The following CEP152 variants were observed in gnomAD, a reference collection of about 807,000 sequenced individuals.
CEP152 encodes the protein centrosomal protein of 152 kDa.
Under a neutral mutation model 188.9 loss-of-function variants are expected in CEP152, and 132 were observed. The ratio of observed to expected loss-of-function variants is 0.70; its 90% CI spans 0.61 to 0.81. CEP152 has a LOEUF of 0.81. Among genes scored for constraint, CEP152 ranks in the 30% least tolerant of loss-of-function variants. CEP152 has a pLI of 0.00. For missense variants in CEP152, 1,914 were observed against 1,969.8 expected, an observed-to-expected ratio of 0.97 and a Z score of 0.54; for synonymous variants, 649 against 666.6, an observed-to-expected ratio of 0.97 and a Z score of 0.41.
At chr15:48,737,535 T>C (rs533489899), downstream of CEP152, among the ~76,000 whole-genome samples, 2 of 152,296 alleles carry the variant, frequency 1.3e-5, no homozygotes, top group South Asian at 2.1e-4. Flanking sequence ...ACAAAACTTA[T>C]CTCAATTTTT....
intron 21 of CEP152, among the ~76,000 whole-genome samples, chr15:48,749,480 A>T (rs1893717893): frequency 6.6e-6 from 1 of 152,192 alleles, no homozygotes; most frequent in Non-Finnish European, 1.5e-5. Context: ...GGTGAAAAAA[A>T]AACAGTAATT....
intron 22 of CEP152, among the ~76,000 whole-genome samples, chr15:48,746,164 T>C (rs895082448): frequency 6.6e-6 from 1 of 152,190 alleles, no homozygotes; most frequent in East Asian, 1.9e-4. Context: ...ACTAAAGTTA[T>C]ATTAAGAAAA....
chr15:48,738,539 CG>C lies in CEP152; in HGVS notation c.4842del (p.Gly1615ValfsTer11). 6.2e-7 allele frequency: 1 copy of C among 1,614,122 alleles called. No homozygotes were observed. Among genetic ancestry groups the C allele is most frequent in the South Asian group, 1.1e-5 (1 of 91,064 alleles). On this transcript the variant is annotated frameshift_variant, in exon 27 of 27. Coordinates refer to ENST00000380950, the MANE Select transcript of CEP152 (RefSeq NM_001194998.2). LOFTEE classifies it low-confidence loss of function (END_TRUNC). ...ESVKSKQFSPSGYLSDTEESN... is the reference protein window; with the variant it reads ...ESVKSKQFSPXGYLSDTEESN... ...CTTTCCTCTGTATCTGAAAGATAACCGGATGGTGAAAACTGTTTGGATTTAA... is the reference window on the plus strand; with the variant it reads ...CTTTCCTCTGTATCTGAAAGATAACCGATGGTGAAAACTGTTTGGATTTAA...
In CEP152 at chr15:48,737,985, A is replaced by C; in HGVS notation, c.*264T>G. 1 of 383,002 alleles carries C rather than the reference A, an allele frequency of 2.6e-6. No individual in the cohort carries two copies. Among genetic ancestry groups the C allele is most frequent in the East Asian group, 4.8e-5 (1 of 20,976 alleles). The allele number at this position is 383,002 out of a possible 1,614,324, so 23.7% of individuals were successfully genotyped here. ...TTAAATAAGTTAACACTGCAGAGTG[A>C]GTCAATTTATAAGTATAAAAATAGA... On this transcript the variant is annotated 3_prime_UTR_variant, in exon 27 of 27. Transcript: ENST00000380950.
chr15:48,756,150 T>C lies in CEP152; in HGVS notation c.3098A>G (p.Lys1033Arg), dbSNP rs866569090. The C allele has an allele frequency of 6.2e-7, 1 of 1,614,148 alleles. No individual in the cohort carries two copies. The highest frequency in any genetic ancestry group is 8.5e-7 in the Non-Finnish European group (1 of 1,180,006). The change falls in exon 20 of 27, where the codon AAG becomes AGG. Residue 1033 changes from lysine to arginine, a missense_variant. Physicochemically the swap from Lys to Arg is conservative, Grantham distance 26. Transcript: ENST00000380950. ...CTGATAGATTTCCAGTTGGATCCGCTTGGCTTCCTGCATAGTCCATTCTCT... is the reference window on the plus strand; with the variant it reads ...CTGATAGATTTCCAGTTGGATCCGCCTGGCTTCCTGCATAGTCCATTCTCT... ...SRREWTMQEA[K>R]RIQLEIYQYE...
rs200379894 is a variant in CEP152 at position 48,781,249 on chromosome 15, C to G, written c.1524G>C (p.Ser508=). The change falls in exon 12 of 27, where the codon TCG becomes TCC. Residue 508 remains serine, a synonymous_variant. Transcript: ENST00000380950. ...EGELNIELTE[S]YVDLGIKKVN... is the part of the protein sequence containing the mutation. ...CCTTTTTAATACCCAAATCCACATACGATTCAGTGAGTTCTATATTTAATT... is the reference window on the plus strand; with the variant it reads ...CCTTTTTAATACCCAAATCCACATAGGATTCAGTGAGTTCTATATTTAATT... 1 of 1,613,406 alleles carries G rather than the reference C, an allele frequency of 6.2e-7. No homozygotes were observed. The highest frequency in any genetic ancestry group is 8.5e-7 in the Non-Finnish European group (1 of 1,179,606).
In CEP152 at chr15:48,793,476, C is replaced by T; in HGVS notation, c.692-15G>A. 6 of 1,607,542 alleles carry T rather than the reference C, an allele frequency of 3.7e-6. No individual in the cohort carries two copies. The highest frequency in any genetic ancestry group is 5.1e-6 in the Non-Finnish European group (6 of 1,175,250). On this transcript the variant is annotated splice_polypyrimidine_tract_variant and intron_variant, in intron 6 of 26. Transcript: ENST00000380950. ...TTCTGCAGAGTCTGGGAATTAAAGA[C>T]AATTTATTAGATAAAAACATACCAA...
intron 1 of CEP152, among the ~76,000 whole-genome samples, chr15:48,806,685 T>C (rs1169689826): frequency 6.6e-6 from 1 of 152,160 alleles, no homozygotes; most frequent in Non-Finnish European, 1.5e-5. Flanking sequence ...AGAACTTAGC[T>C]CCCTCGTCTT....
chr15:48,802,079 G>T (rs1231710174), intron 2 of CEP152, among the ~76,000 whole-genome samples: 1 of 146,606 alleles, frequency 6.8e-6, no homozygotes. Context: ...AACAGAGCGA[G>T]ACTCCATCTC....
At chr15:48,744,146 TAGA>T (rs1446503432) in intron 24 of CEP152, 91 bp downstream of exon 24, 15 of 1,548,182 alleles carry the variant, frequency 9.7e-6, no homozygotes, top group Non-Finnish European at 1.1e-5. Flanking sequence ...GAAAATTCCC[TAGA>T]AGAACTACTG....
downstream of CEP152, among the ~76,000 whole-genome samples, chr15:48,734,069 AAG>A (rs577001499): frequency 4.7e-4 from 72 of 152,276 alleles, no homozygotes; most frequent in African/African-American, 1.6e-3. Flanking sequence ...GGAACAAAGA[AAG>A]AGCAGCAGAA....
Position 48,769,082 on chromosome 15 carries a change from C to G in CEP152, c.1783-1G>C. 1.2e-6 allele frequency: 2 copies of G among 1,603,952 alleles called. No individual in the cohort carries two copies. The highest frequency in any genetic ancestry group is 8.5e-7 in the Non-Finnish European group (1 of 1,173,176). On this transcript the variant is annotated splice_acceptor_variant, in intron 13 of 26. Transcript: ENST00000380950. LOFTEE classifies it high-confidence loss of function. ...GTTTTTCTGAGGTATCTGTTTTAGT[C>G]TGAATATTAAAAGGTCAAAAGTTTT...
chr15:48,767,026 A>C, intron 17 of CEP152, 34 bp downstream of exon 17: 2 of 1,610,108 alleles, frequency 1.2e-6, no homozygotes, highest in Non-Finnish European at 1.7e-6. Flanking sequence ...TGAAGAGTGA[A>C]AGGATGTCGA....
chr15:48,742,120 T>C lies in CEP152; in HGVS notation c.3836-20A>G, dbSNP rs771569432. ...TGTCACCTATAGGGAAGTGAGAAAA[T>C]GCCCACAGAATGTATGTTTATTAGC... On this transcript the variant is annotated intron_variant, in intron 24 of 26. Transcript: ENST00000380950. 11 of 1,612,404 alleles carry C rather than the reference T, an allele frequency of 6.8e-6. No homozygotes were observed. Among genetic ancestry groups the C allele is most frequent in the Non-Finnish European group, 9.3e-6 (11 of 1,178,534 alleles).
rs1895222253 is a variant in CEP152, at chr15:48,767,584, A to G, written c.2019-121T>C. ...TGCAAATTATAATTGAGGTCAGATAACTTTTCCCCAACTGAAAGTGGTAAT... is the reference window on the plus strand; with the variant it reads ...TGCAAATTATAATTGAGGTCAGATAGCTTTTCCCCAACTGAAAGTGGTAAT... On this transcript the variant is annotated intron_variant, in intron 15 of 26. Coordinates refer to ENST00000380950, the MANE Select transcript of CEP152 (RefSeq NM_001194998.2). 5 of 1,306,564 alleles carry G rather than the reference A, an allele frequency of 3.8e-6. No individual in the cohort carries two copies. In the Admixed American group the frequency reaches 8.9e-5, roughly 23 times the overall value. 80.9% of individuals were successfully genotyped at this position (1,306,564 alleles called of 1,614,324 possible).
In CEP152 at chr15:48,782,163, A is replaced by G. The variant is rs1177026809; in HGVS notation, c.1389T>C (p.Ser463=). 1 of 1,613,882 alleles carries G rather than the reference A, an allele frequency of 6.2e-7. No homozygotes were observed. Among genetic ancestry groups the G allele is most frequent in the Admixed American group, 1.7e-5 (1 of 60,016 alleles). The change falls in exon 11 of 27, where the codon AGT becomes AGC. Residue 463 remains serine (S), a synonymous_variant. Transcript: ENST00000380950. ...LQQAQKAHAM[S]ANMNKALQEE... is the part of the protein sequence containing the mutation. ...CTTGCAAAGCCTTGTTCATGTTTGC[A>G]CTCATAGCATGTGCCTTCTGTGCTT...
At position 48,740,926 on chromosome 15, in the gene CEP152, C is replaced by T. The variant is rs141153270; in HGVS notation, c.4093+675G>A. Reference sequence around the variant, plus strand: ...CCACCTGGTTGCTGTTGGTTTAGAACACCAACTAATTACCCCATTCATATC... The same window carrying T: ...CCACCTGGTTGCTGTTGGTTTAGAATACCAACTAATTACCCCATTCATATC... On this transcript the variant is annotated intron_variant, in intron 26 of 26. Coordinates refer to ENST00000380950, the MANE Select transcript of CEP152 (RefSeq NM_001194998.2). 24 of 639,650 alleles carry T rather than the reference C, an allele frequency of 3.8e-5. No individual in the cohort carries two copies. In the African/African-American group the frequency reaches 4.4e-4, roughly 12 times the overall value. 39.6% of individuals were successfully genotyped at this position (639,650 alleles called of 1,614,324 possible).
intron 8 of CEP152, 118 bp from the exon 9 acceptor site, chr15:48,789,119 G>T: frequency 1.1e-6 from 1 of 917,522 alleles, no homozygotes; most frequent in Non-Finnish European, 1.7e-6. Flanking sequence ...TTTAATGAGA[G>T]TAGAGAAGGG....
chr15:48,797,989 C>T lies in CEP152; in HGVS notation c.150G>A (p.Glu50=). 1 of 1,614,080 alleles carries T rather than the reference C, an allele frequency of 6.2e-7. No homozygotes were observed. Among genetic ancestry groups the T allele is most frequent in the Non-Finnish European group, 8.5e-7 (1 of 1,179,978 alleles). ...DMLDDDLSSP[E]LQYSDCSEDG... The stretch of plus-strand genomic sequence containing the variant: ...CCTCGCTGCAGTCCGAATACTGGAG[C>T]TCTGGAGAGGAGAGGTCGTCATCCA... Residue 50 remains glutamate (E), a synonymous_variant, in exon 3 of 27, where the codon GAG becomes GAA. Transcript: ENST00000380950.
Sources: gnomAD v4.1 joint callset for allele counts (sites outside exome capture counted in the v4.1 genomes callset) on GRCh38, gnomAD v4.1.1 for gene constraint, MANE v1.5 for transcripts, NCBI Gene and HGNC (gene_info 2026-07-23, HGNC 2026-07-21) for gene names.